RAPGEF4: variants seen among roughly 807,000 people sequenced by gnomAD.
RAPGEF4 encodes the protein RAP guanine-nucleotide-exchange factor (GEF) 4.
Under a neutral mutation model 147.9 loss-of-function variants are expected in RAPGEF4, and 66 were observed. That is an observed-to-expected ratio of 0.45 (90% CI 0.37 to 0.55). The LOEUF is 0.55. Among genes scored for constraint, RAPGEF4 ranks in the 20% least tolerant of loss-of-function variants. The probability of loss-of-function intolerance (pLI) is 0.00; values close to 1 mark genes in which losing one functional copy is unlikely to be tolerated. For synonymous variants in RAPGEF4, 419 were observed against 442.7 expected (o/e 0.95, Z 0.67); for missense variants, 1,071 against 1,257.3 (o/e 0.85, Z 2.24).
At chr2:172,831,273 T>TTTTTTTTTTTTTTTTTTTTG (rs1690296618) in intron 4 of RAPGEF4, among the ~76,000 whole-genome samples, 1 of 121,876 alleles carries the variant, frequency 8.2e-6, no homozygotes, top group Non-Finnish European at 1.8e-5. Flanking sequence ...AAACTTTTTT[T>TTTTTTTTTTTTTTTTTTTTG]TTTTTTTTTT....
chr2:172,770,509 A>G (rs1313795873), intron 1 of RAPGEF4, among the ~76,000 whole-genome samples: 2 of 152,220 alleles, frequency 1.3e-5, no homozygotes, highest in African/African-American at 2.4e-5. Context: ...AATAAATGCC[A>G]TCTGCTATTT....
intron 1 of RAPGEF4, among the ~76,000 whole-genome samples, chr2:172,752,991 G>A (rs1025036541): frequency 1.3e-5 from 2 of 152,038 alleles, no homozygotes; most frequent in Admixed American, 1.3e-4. Flanking sequence ...CATTTAACAG[G>A]TCATGGATGT....
Position 172,847,635 on chromosome 2 carries a change from G to T in RAPGEF4, c.444+33210G>T, listed in dbSNP as rs554224080. Among the ~76,000 whole-genome samples, 7 of 152,328 alleles carry T rather than the reference G, an allele frequency of 4.6e-5. No individual in the cohort carries two copies. In the South Asian group the frequency reaches 1.2e-3, roughly 27 times the overall value. The stretch of plus-strand genomic sequence containing the variant: ...TTTCATGTGGAGAAGAAAGCAGGTG[G>T]TTCTTTGAGGGCTTTATTGGTGGCC... On this transcript the variant is annotated intron_variant, in intron 4 of 30. Coordinates refer to ENST00000397081, the MANE Select transcript of RAPGEF4 (RefSeq NM_007023.4).
At chr2:172,800,224 A>C (rs1686831304) in intron 3 of RAPGEF4, among the ~76,000 whole-genome samples, 1 of 152,174 alleles carries the variant, frequency 6.6e-6, no homozygotes, top group Non-Finnish European at 1.5e-5. Context: ...CACTAAAATA[A>C]AAGGAAGAGA....
At chr2:172,829,613 G>A (rs911472327) in intron 4 of RAPGEF4, among the ~76,000 whole-genome samples, 1 of 152,080 alleles carries the variant, frequency 6.6e-6, no homozygotes, top group African/African-American at 2.4e-5. Context: ...TATGTAGATT[G>A]ACTCTTTAGT....
intron 30 of RAPGEF4, among the ~76,000 whole-genome samples, chr2:173,049,272 G>A (rs80013719): frequency 6.6e-6 from 1 of 152,092 alleles, no homozygotes; most frequent in East Asian, 1.9e-4. Flanking sequence ...ATTTTAGTCT[G>A]TTGGGAGTTA....
At chr2:173,021,117 G>C (rs78213567) in intron 23 of RAPGEF4, among the ~76,000 whole-genome samples, 151 of 152,290 alleles carry the variant, frequency 9.9e-4, no homozygotes, top group African/African-American at 3.6e-3. Context: ...GAGAAATGCT[G>C]TTCCCCAAAA....
At chr2:172,936,902 A>G (rs1686632371) in intron 6 of RAPGEF4, among the ~76,000 whole-genome samples, 1 of 151,996 alleles carries the variant, frequency 6.6e-6, no homozygotes, top group South Asian at 2.1e-4. Flanking sequence ...ATCACCAACT[A>G]AAGTCCATAG....
chr2:172,961,332 T>G (rs1575381323), intron 8 of RAPGEF4, 104 bp downstream of exon 8: 4 of 863,012 alleles, frequency 4.6e-6, no homozygotes, highest in Non-Finnish European at 5.6e-6. Context: ...CAGCCCATTT[T>G]GTAATGCCTT....
chr2:173,014,545 G>T lies in RAPGEF4; in HGVS notation c.1740G>T (p.Leu580=). ...ACAATAAGAGGCGAGTCATCCGCCT[G>T]GTTCTACAGTGGGCTGCCATGTATG... ...ALNNKRRVIR[L]VLQWAAMYGD... Residue 580 remains leucine, a synonymous_variant, in exon 18 of 31, where the codon CTG becomes CTT. Coordinates refer to ENST00000397081, the MANE Select transcript of RAPGEF4 (RefSeq NM_007023.4). The T allele has an allele frequency of 1.9e-6, 3 of 1,614,156 alleles. No individual in the cohort carries two copies. The highest frequency in any genetic ancestry group is 2.5e-6 in the Non-Finnish European group (3 of 1,180,004).
chr2:172,744,263 G>A (rs1376574400), intron 1 of RAPGEF4: 2 of 325,808 alleles, frequency 6.1e-6, no homozygotes, highest in African/African-American at 4.4e-5. Flanking sequence ...ACATGATATA[G>A]TCAAATCAGC....
chr2:172,821,944 G>A (rs1689112327), intron 4 of RAPGEF4: 1 of 1,613,536 alleles, frequency 6.2e-7, no homozygotes, highest in Non-Finnish European at 8.5e-7. Context: ...AGAACTTTGA[G>A]AGACCGAAAA....
chr2:173,020,343 T>C (rs1695957200), intron 22 of RAPGEF4, among the ~76,000 whole-genome samples: 1 of 152,188 alleles, frequency 6.6e-6, no homozygotes, highest in East Asian at 1.9e-4. Context: ...GGGTTTTATG[T>C]GCTCAGTAAT....
chr2:172,912,524 C>T (rs186068337), intron 4 of RAPGEF4, among the ~76,000 whole-genome samples: 73 of 152,266 alleles, frequency 4.8e-4, no homozygotes, highest in African/African-American at 1.8e-3. Context: ...TGCCAATGCC[C>T]TATATTTGAT....
Position 172,750,371 on chromosome 2 carries a change from C to T in RAPGEF4, c.65+14323C>T, listed in dbSNP as rs375414747. ...AGGTGAAAGGCACCTCTTATATTGG[C>T]GGCAGGCAAGAGAGAGAATTAGAAC... On this transcript the variant is annotated intron_variant, in intron 1 of 30. Transcript: ENST00000397081. Among the ~76,000 whole-genome samples the T allele has an allele frequency of 1.6e-4, 24 of 152,074 alleles. No homozygotes were observed. In the East Asian group the frequency reaches 3.7e-3, roughly 23 times the overall value.
At chr2:172,737,151 T>C (rs760645488) in intron 1 of RAPGEF4, among the ~76,000 whole-genome samples, 1 of 152,250 alleles carries the variant, frequency 6.6e-6, no homozygotes, top group Non-Finnish European at 1.5e-5. Flanking sequence ...TTAATATATC[T>C]GAGAAATAAT....
At chr2:173,012,427 C>T (rs958616907) in intron 17 of RAPGEF4, among the ~76,000 whole-genome samples, 3 of 152,294 alleles carry the variant, frequency 2.0e-5, no homozygotes, top group East Asian at 1.9e-4. Flanking sequence ...CCATTTGGCT[C>T]CTATGCCATG....
At chr2:173,003,871 G>C (rs1277998729) in intron 17 of RAPGEF4, among the ~76,000 whole-genome samples, 1 of 152,198 alleles carries the variant, frequency 6.6e-6, no homozygotes, top group Non-Finnish European at 1.5e-5. Context: ...ACTTGAACAA[G>C]TGGTTTAACC....
intron 3 of RAPGEF4, among the ~76,000 whole-genome samples, chr2:172,799,041 G>A (rs958340762): frequency 7.2e-5 from 11 of 152,174 alleles, no homozygotes; most frequent in African/African-American, 2.7e-4. Flanking sequence ...TGAGAGGTGG[G>A]TTTTGATTCT....
Sources: allele counts gnomAD v4.1 joint callset (sites outside exome capture counted in the v4.1 genomes callset), GRCh38; gene constraint gnomAD v4.1.1; transcripts MANE v1.5; gene names NCBI Gene and HGNC (gene_info 2026-07-23, HGNC 2026-07-21).